Variants in ERICH6B observed in about 807,000 individuals in gnomAD.
The protein encoded by ERICH6B is glutamate rich 6B, also known as glutamate-rich protein 6B.
Under a neutral mutation model 80.0 loss-of-function variants are expected in ERICH6B, and 69 were observed. The observed-to-expected ratio is 0.86, with a 90% CI of 0.71 to 1.05. ERICH6B has a LOEUF of 1.05. Among genes scored for constraint, ERICH6B ranks in the 50% least tolerant of loss-of-function variants. The probability of loss-of-function intolerance (pLI) is 0.00; values close to 1 mark genes in which losing one functional copy is unlikely to be tolerated. For synonymous variants in ERICH6B, 283 were observed against 291.9 expected (o/e 0.97, Z 0.31); for missense variants, 754 against 796.1 (o/e 0.95, Z 0.64).
intron 1 of ERICH6B, among the ~76,000 whole-genome samples, chr13:45,614,649 C>A (rs1055014278): frequency 6.6e-6 from 1 of 152,234 alleles, no homozygotes; most frequent in Non-Finnish European, 1.5e-5. Context: ...GGGCTTCTCC[C>A]AGCCGATGCT....
intron 13 of ERICH6B, among the ~76,000 whole-genome samples, chr13:45,545,977 A>G (rs755797426): frequency 3.5e-4 from 54 of 152,338 alleles, no homozygotes; most frequent in Non-Finnish European, 6.3e-4. Context: ...CAATGACTTT[A>G]TAGACTATAA....
chr13:45,584,944 ACCT>A (rs904079217), intron 5 of ERICH6B, among the ~76,000 whole-genome samples: 1 of 150,536 alleles, frequency 6.6e-6, no homozygotes, highest in African/African-American at 2.5e-5. Context: ...CCTTTCCTCC[ACCT>A]CCTCCTGACT....
chr13:45,583,547 T>C (rs1875761834), intron 5 of ERICH6B, among the ~76,000 whole-genome samples: 1 of 152,202 alleles, frequency 6.6e-6, no homozygotes, highest in Admixed American at 6.5e-5. Context: ...CTCTTCCCCA[T>C]CTGATATGGT....
chr13:45,612,522 A>G (rs1415892770), intron 1 of ERICH6B, among the ~76,000 whole-genome samples: 1 of 152,226 alleles, frequency 6.6e-6, no homozygotes, highest in African/African-American at 2.4e-5. Context: ...CCCCTGGGGT[A>G]TGGGGCCCAT....
chr13:45,583,049 T>A (rs1177931723), intron 5 of ERICH6B, among the ~76,000 whole-genome samples: 1 of 152,184 alleles, frequency 6.6e-6, no homozygotes, highest in Non-Finnish European at 1.5e-5. Flanking sequence ...AATTCTGGAG[T>A]ATATTTTATC....
At chr13:45,610,150 A>G (rs935464325) in intron 1 of ERICH6B, among the ~76,000 whole-genome samples, 3 of 151,982 alleles carry the variant, frequency 2.0e-5, no homozygotes, top group East Asian at 3.9e-4. Flanking sequence ...AACTTCAATC[A>G]CTCCTGCAGA....
intron 11 of ERICH6B, among the ~76,000 whole-genome samples, chr13:45,550,961 C>T (rs902035942): frequency 1.3e-5 from 2 of 152,102 alleles, no homozygotes; most frequent in Admixed American, 6.6e-5. Context: ...GTTAGAACTC[C>T]GACATGTCTC....
chr13:45,546,277 A>G (rs116940977), intron 13 of ERICH6B, among the ~76,000 whole-genome samples: 2,653 of 152,138 alleles, frequency 0.017, 35 homozygotes, highest in Middle Eastern at 0.034. Flanking sequence ...TTCAAATCCC[A>G]AAGGGCAGTT....
chr13:45,571,746 C>T (rs2404224), intron 8 of ERICH6B, among the ~76,000 whole-genome samples: 13,440 of 152,130 alleles, frequency 0.088, 993 homozygotes, highest in African/African-American at 0.2. Context: ...ATGAGGTCCT[C>T]AGGGTGGGCT....
At chr13:45,567,898 G>A (rs187922881) in intron 9 of ERICH6B, among the ~76,000 whole-genome samples, 2 of 152,336 alleles carry the variant, frequency 1.3e-5, no homozygotes, top group Non-Finnish European at 2.9e-5. Flanking sequence ...TGAAGCCAGG[G>A]AATTTGGTGG....
In ERICH6B at chr13:45,568,325, G is replaced by C. The variant is rs1566292346; in HGVS notation, c.1177C>G (p.Leu393Val). 5 of 1,543,066 alleles carry C rather than the reference G, an allele frequency of 3.2e-6. No individual in the cohort carries two copies. Among genetic ancestry groups the C allele is most frequent in the Non-Finnish European group, 4.4e-6 (5 of 1,143,936 alleles). Residue 393 changes from leucine (L) to valine (V), a missense_variant, in exon 9 of 15, where the codon CTG (leucine) becomes GTG (valine). Physicochemically the swap from Leu to Val is conservative, Grantham distance 32. Transcript: ENST00000298738. The stretch of plus-strand genomic sequence containing the variant: ...TCACCAGTTACTTACATAATTACCA[G>C]TTTCCATCTGTTTTCACTTTCCAGT... ...KLLESENRWK[L>V]VIMLKKNYEK...
chr13:45,545,116 G>A, intron 13 of ERICH6B, 131 bp from the exon 14 acceptor site: 2 of 765,730 alleles, frequency 2.6e-6, no homozygotes, highest in Non-Finnish European at 4.2e-6. Context: ...GGTAGGAGAA[G>A]CTCCAACATG....
rs58052570 is a variant in ERICH6B, at chr13:45,565,992, G to A, written c.1188-2204C>T. ...CTTTGCCCAAAATGCTGACAAAAAAGTCCAGGCTGAGGTGGTCTCAGATGG... is the reference window on the plus strand; with the variant it reads ...CTTTGCCCAAAATGCTGACAAAAAAATCCAGGCTGAGGTGGTCTCAGATGG... On this transcript the variant is annotated intron_variant, in intron 9 of 14. Coordinates refer to ENST00000298738, the MANE Select transcript of ERICH6B (RefSeq NM_182542.3). Among the ~76,000 whole-genome samples the A allele has an allele frequency of 2.9e-3, 442 of 152,298 alleles. 13 individuals carry two copies. In the East Asian group the frequency reaches 0.069, roughly 24 times the overall value.
intron 9 of ERICH6B, among the ~76,000 whole-genome samples, chr13:45,564,214 T>A (rs1159870440): frequency 6.6e-6 from 1 of 152,202 alleles, no homozygotes; most frequent in Admixed American, 6.5e-5. Context: ...AGTAGGACAA[T>A]TTCAAATAGC....
intron 6 of ERICH6B, 23 bp from the exon 7 acceptor site, chr13:45,579,997 A>C: frequency 6.7e-7 from 1 of 1,492,834 alleles, no homozygotes; most frequent in South Asian, 1.2e-5. Flanking sequence ...AAGAAAAATT[A>C]TTAACAGGAT....
In ERICH6B at chr13:45,585,467, T is replaced by C. The variant is rs531262258; in HGVS notation, c.856+1596A>G. 1.4e-4 allele frequency among the ~76,000 whole-genome samples: 21 copies of C among 152,276 alleles called. No individual in the cohort carries two copies. The South Asian group carries it at 3.1e-3, about 23-fold the overall frequency. ...CACCAATGCTCTCCAGAAAGATAGA[T>C]TGGAAACTACAGACAGAAGGGGAGA... On this transcript the variant is annotated intron_variant, in intron 5 of 14. Coordinates refer to ENST00000298738, the MANE Select transcript of ERICH6B (RefSeq NM_182542.3).
chr13:45,592,540 C>T (rs528543212), intron 3 of ERICH6B, among the ~76,000 whole-genome samples: 26 of 152,250 alleles, frequency 1.7e-4, no homozygotes, highest in African/African-American at 2.4e-4. Context: ...TTGGAGCTGC[C>T]GAGGAGGATC....
chr13:45,612,616 G>C lies in ERICH6B; in HGVS notation c.-111+3069C>G, dbSNP rs147712443. ...CTTATTTATGGAAGGAGCCTATGCT[G>C]TTAATGCCCCATGTGACAGCCTTTT... On this transcript the variant is annotated intron_variant, in intron 1 of 14. Coordinates refer to ENST00000298738, the MANE Select transcript of ERICH6B (RefSeq NM_182542.3). Among the ~76,000 whole-genome samples, 684 of 152,288 alleles carry C rather than the reference G, an allele frequency of 4.5e-3. 5 individuals carry two copies. The highest frequency in any genetic ancestry group is 0.015 in the African/African-American group (636 of 41,554).
At chr13:45,571,463 A>G (rs1875164166) in intron 8 of ERICH6B, among the ~76,000 whole-genome samples, 1 of 152,160 alleles carries the variant, frequency 6.6e-6, no homozygotes, top group Non-Finnish European at 1.5e-5. Context: ...TGTAAACACC[A>G]GCTAATGCTG....
Sources: gnomAD v4.1 joint callset for allele counts (sites outside exome capture counted in the v4.1 genomes callset) on GRCh38, gnomAD v4.1.1 for gene constraint, MANE v1.5 for transcripts, NCBI Gene and HGNC (gene_info 2026-07-23, HGNC 2026-07-21) for gene names.